The following TTC28 variants were observed in gnomAD, a reference collection of about 807,000 sequenced individuals.
TTC28 encodes tetratricopeptide repeat protein 28.
Under a neutral mutation model 198.0 loss-of-function variants are expected in TTC28, and 61 were observed. The ratio of observed to expected loss-of-function variants is 0.31; its 90% CI spans 0.25 to 0.38. The LOEUF (loss-of-function observed/expected upper bound fraction) is 0.38, where lower values mean the gene tolerates loss of function less well. TTC28 is among the 10% of genes least tolerant of loss of function. TTC28 has a pLI of 1.00. For missense variants in TTC28, 2,678 were observed against 3,164.0 expected (o/e 0.85, Z 3.69); for synonymous variants, 1,171 against 1,297.8 (o/e 0.90, Z 2.10).
At chr22:28,160,181 A>T (rs1015116714) in intron 6 of TTC28, among the ~76,000 whole-genome samples, 1 of 152,190 alleles carries the variant, frequency 6.6e-6, no homozygotes, top group African/African-American at 2.4e-5. Context: ...ATGGAAACTT[A>T]ATTGTACATT....
At chr22:28,607,956 A>C (rs762614586) in intron 2 of TTC28, among the ~76,000 whole-genome samples, 6 of 152,152 alleles carry the variant, frequency 3.9e-5, no homozygotes, top group Non-Finnish European at 8.8e-5. Context: ...CATAAATTAA[A>C]CTGTGGAAAA....
In TTC28 at chr22:28,556,152, A is replaced by C. The variant is rs2049782707; in HGVS notation, c.381+73400T>G. 2.0e-5 allele frequency among the ~76,000 whole-genome samples: 3 copies of C among 152,200 alleles called. No homozygotes were observed. The South Asian group carries it at 6.2e-4, about 32-fold the overall frequency. On this transcript the variant is annotated intron_variant, in intron 2 of 22. Coordinates refer to ENST00000397906, the MANE Select transcript of TTC28 (RefSeq NM_001145418.2). ...GGAGGGTGGATCACATGAGGTCAGG[A>C]GTTCAAGACCAGCCTGGCCAACATA...
chr22:28,296,304 G>C lies in TTC28; in HGVS notation c.827C>G (p.Ala276Gly). 1 of 1,545,618 alleles carries C rather than the reference G, an allele frequency of 6.5e-7. No individual in the cohort carries two copies. Among genetic ancestry groups the C allele is most frequent in the South Asian group, 1.2e-5 (1 of 82,906 alleles). ...GAATGCAGAGCCCAGATTCCCATGA[G>C]CTCGGCATTCTCCTGTCTGGTCACC... ...TLGDQTGECR[A>G]HGNLGSAFFS... is the part of the protein sequence containing the mutation. Residue 276 changes from alanine (A) to glycine (G), a missense_variant, in exon 5 of 23, where the codon GCT becomes GGT. Around this residue, in one of 8 missense-constraint regions of TTC28, gnomAD observed 775 missense variants for 845.9 expected, o/e 0.92. Coordinates refer to ENST00000397906, the MANE Select transcript of TTC28 (RefSeq NM_001145418.2).
chr22:28,250,711 G>T (rs1421500655), intron 5 of TTC28, among the ~76,000 whole-genome samples: 1 of 152,192 alleles, frequency 6.6e-6, no homozygotes, highest in Non-Finnish European at 1.5e-5. Flanking sequence ...TACATATTTA[G>T]TATAGACACA....
chr22:28,615,987 A>G (rs1201916309), intron 2 of TTC28, among the ~76,000 whole-genome samples: 1 of 152,184 alleles, frequency 6.6e-6, no homozygotes, highest in Non-Finnish European at 1.5e-5. Context: ...GACTTGAATT[A>G]GAGAAAAAAA....
intron 2 of TTC28, among the ~76,000 whole-genome samples, chr22:28,329,023 C>T (rs904138676): frequency 1.3e-5 from 2 of 151,836 alleles, no homozygotes; most frequent in Admixed American, 6.6e-5. Flanking sequence ...AAGAAACTTA[C>T]CCAAGTTGCA....
At chr22:28,346,553 G>T (rs2045905053) in intron 2 of TTC28, among the ~76,000 whole-genome samples, 1 of 152,204 alleles carries the variant, frequency 6.6e-6, no homozygotes, top group South Asian at 2.1e-4. Flanking sequence ...TCCAAAAGCT[G>T]TCACCACCTG....
At chr22:28,523,377 A>G (rs909028911) in intron 2 of TTC28, among the ~76,000 whole-genome samples, 1 of 152,222 alleles carries the variant, frequency 6.6e-6, no homozygotes, top group Admixed American at 6.5e-5. Flanking sequence ...CTAAATCTAT[A>G]TACATCCATA....
intron 2 of TTC28, among the ~76,000 whole-genome samples, chr22:28,567,479 CATAT>C (rs398040471): frequency 0.061 from 3,110 of 51,158 alleles, 145 homozygotes; most frequent in Middle Eastern, 0.19. Flanking sequence ...TACATACATA[CATAT>C]ATATATATAT....
chr22:28,576,533 T>G (rs576594984), intron 2 of TTC28, among the ~76,000 whole-genome samples: 1 of 152,258 alleles, frequency 6.6e-6, no homozygotes, highest in African/African-American at 2.4e-5. Context: ...CCTCCTCTAT[T>G]TTTCAAAATA....
chr22:28,334,808 C>T (rs954275325), intron 2 of TTC28, among the ~76,000 whole-genome samples: 131 of 152,278 alleles, frequency 8.6e-4, no homozygotes, highest in African/African-American at 2.9e-3. Flanking sequence ...TGCCTGTTCA[C>T]GCTGATGGTA....
At chr22:28,612,045 A>T (rs2146153381) in intron 2 of TTC28, among the ~76,000 whole-genome samples, 1 of 152,320 alleles carries the variant, frequency 6.6e-6, no homozygotes, top group Non-Finnish European at 1.5e-5. Context: ...TGGGATAAAG[A>T]GTCAAGACCC....
intron 12 of TTC28, among the ~76,000 whole-genome samples, chr22:28,074,603 TGTCAG>T (rs1167953356): frequency 9.2e-5 from 14 of 152,334 alleles, no homozygotes; most frequent in African/African-American, 2.6e-4. Context: ...GGTGCAGAAG[TGTCAG>T]GCCCTGGTAC....
At chr22:28,489,549 C>T (rs962105409) in intron 2 of TTC28, among the ~76,000 whole-genome samples, 2 of 152,052 alleles carry the variant, frequency 1.3e-5, no homozygotes, top group Admixed American at 6.5e-5. Flanking sequence ...GGTGCTAGCA[C>T]AGGAATCAGA....
intron 22 of TTC28, among the ~76,000 whole-genome samples, chr22:27,984,225 G>C (rs1176330250): frequency 6.6e-6 from 1 of 152,124 alleles, no homozygotes; most frequent in Non-Finnish European, 1.5e-5. Flanking sequence ...TGAGCAGTCT[G>C]TGACATCTCC....
chr22:28,162,985 T>C lies in TTC28; in HGVS notation c.1441+107A>G, dbSNP rs117157826. 8.3e-4 allele frequency: 1,116 copies of C among 1,337,754 alleles called. 22 individuals carry two copies. The East Asian group carries it at 0.022, about 26-fold the overall frequency. The allele number at this position is 1,337,754 out of a possible 1,614,324, so 82.9% of individuals were successfully genotyped here. A position where few individuals can be genotyped will look rare whatever the true frequency, so the allele number is the denominator to read the frequency against. On this transcript the variant is annotated intron_variant, in intron 6 of 22. Coordinates refer to ENST00000397906, the MANE Select transcript of TTC28 (RefSeq NM_001145418.2). ...GAAAAGAGCACACACAATAAGGATATTCTTTTAAATATAAACACACAGATT... is the reference window on the plus strand; with the variant it reads ...GAAAAGAGCACACACAATAAGGATACTCTTTTAAATATAAACACACAGATT...
chr22:28,255,106 T>A (rs1930805706), intron 5 of TTC28, among the ~76,000 whole-genome samples: 1 of 152,036 alleles, frequency 6.6e-6, no homozygotes, highest in African/African-American at 2.4e-5. Context: ...CAGAAGCAAA[T>A]GCAGAGCCAT....
chr22:28,265,286 G>A (rs139658631), intron 5 of TTC28, among the ~76,000 whole-genome samples: 358 of 152,182 alleles, frequency 2.4e-3, no homozygotes, highest in Admixed American at 4.5e-3. Flanking sequence ...TCCATCCCAC[G>A]ATTTTCTGCC....
intron 6 of TTC28, among the ~76,000 whole-genome samples, chr22:28,125,498 A>G (rs997198788): frequency 3.3e-5 from 5 of 152,212 alleles, no homozygotes; most frequent in Non-Finnish European, 5.9e-5. Context: ...CACAATATGC[A>G]ACACCCCCAG....
Sources: allele counts gnomAD v4.1 joint callset (sites outside exome capture counted in the v4.1 genomes callset), GRCh38; gene constraint gnomAD v4.1.1; regional missense constraint gnomAD v4.1.1; transcripts MANE v1.5; gene names NCBI Gene and HGNC (gene_info 2026-07-23, HGNC 2026-07-21).